Variants in LHX1 observed in about 807,000 individuals in gnomAD.
The protein encoded by LHX1 is LIM homeobox 1, also known as LIM/homeobox protein Lhx1.
LHX1 carries 9 observed loss-of-function variants against 34.1 expected under a neutral mutation model. The observed-to-expected ratio is 0.26, with a 90% CI of 0.16 to 0.46. LHX1 has a LOEUF of 0.46. Ranked by LOEUF, LHX1 falls within the 20% of genes least tolerant of loss-of-function variation. The pLI is 1.00. For synonymous variants in LHX1, 254 were observed against 241.5 expected (o/e 1.05, Z -0.48); for missense variants, 446 against 559.1 (o/e 0.80, Z 2.04).
At chr17:36,940,257 C>CGGGGGGGGGGGGGGGGGGGGGGGGG in intron 1 of LHX1, 33 bp from the exon 2 acceptor site, 1 of 515,266 alleles carries the variant, frequency 1.9e-6, no homozygotes, top group Non-Finnish European at 3.4e-6. Context: ...TGACCCATCC[C>CGGGGGGGGGGGGGGGGGGGGGGGGG]CGCCCCCGCC....
chr17:36,942,651 C>T (rs28502075), intron 4 of LHX1, 101 bp from the exon 5 acceptor site: 1,203,218 of 1,270,882 alleles, frequency 0.95, 569,777 homozygotes, highest in East Asian at 0.99. Context: ...GTTCCCCGCG[C>T]GGCCTTCCTC....
intron 1 of LHX1, 84 bp from the exon 2 acceptor site, chr17:36,940,206 G>A: frequency 3.8e-6 from 3 of 780,322 alleles, no homozygotes; most frequent in Non-Finnish European, 6.4e-6. Flanking sequence ...CCTCTTTCTC[G>A]CTGTCATCTT....
chr17:36,938,158 C>A lies in LHX1; in HGVS notation c.-40C>A. On this transcript the variant is annotated 5_prime_UTR_variant, in exon 1 of 5. Coordinates refer to ENST00000614239, the MANE Select transcript of LHX1 (RefSeq NM_005568.5). ...GTCATCCCCTGGGCTCTACTTTGCC[C>A]CTCTCTCTCTCTGGGCCTCATCAGA... is the stretch of plus-strand genomic sequence containing the variant. The A allele has an allele frequency of 6.3e-7, 1 of 1,590,080 alleles. No individual in the cohort carries two copies. The highest frequency in any genetic ancestry group is 8.6e-7 in the Non-Finnish European group (1 of 1,161,182).
At position 36,943,197 on chromosome 17, in the gene LHX1, G is replaced by GA. The variant is rs35033250; in HGVS notation, c.*77dup. On this transcript the variant is annotated 3_prime_UTR_variant, in exon 5 of 5. Transcript: ENST00000614239. ...AATGAACCTTTATTTAAGAAAAATAGAAAAAAAAAAACATAAAAAGCAAGT... is the reference window on the plus strand; with the variant it reads ...AATGAACCTTTATTTAAGAAAAATAGAAAAAAAAAAAACATAAAAAGCAAGT... 150,360 of 1,272,386 alleles carry GA rather than the reference G, an allele frequency of 0.12. 3,686 individuals carry two copies. Among genetic ancestry groups the GA allele is most frequent in the East Asian group, 0.3 (10,708 of 36,204 alleles). The allele number at this position is 1,272,386 out of a possible 1,614,324, so 78.8% of individuals were successfully genotyped here. A position where few individuals can be genotyped will look rare whatever the true frequency, so the allele number is the denominator to read the frequency against.
Position 36,937,676 on chromosome 17 carries a change from C to A in LHX1, c.-522C>A. ...GGGGGGAAATCCCAGTGGTGGGCAG[C>A]CTGGCACGCACACAGTCGCCCTCAT... On this transcript the variant is annotated 5_prime_UTR_variant, in exon 1 of 5. Coordinates refer to ENST00000614239, the MANE Select transcript of LHX1 (RefSeq NM_005568.5). 2.6e-6 allele frequency: 1 copy of A among 386,470 alleles called. No homozygotes were observed. The highest frequency in any genetic ancestry group is 1.8e-5 in the South Asian group (1 of 55,752). 23.9% of individuals were successfully genotyped at this position (386,470 alleles called of 1,614,324 possible). A position where few individuals can be genotyped will look rare whatever the true frequency, so the allele number is the denominator to read the frequency against.
Position 36,940,280 on chromosome 17 carries a change from C to T in LHX1, c.171-10C>T, listed in dbSNP as rs2070756018. 2.9e-6 allele frequency: 3 copies of T among 1,046,486 alleles called. No individual in the cohort carries two copies. Among genetic ancestry groups the T allele is most frequent in the Non-Finnish European group, 4.1e-6 (3 of 725,562 alleles). 64.8% of individuals were successfully genotyped at this position (1,046,486 alleles called of 1,614,324 possible). A position where few individuals can be genotyped will look rare whatever the true frequency, so the allele number is the denominator to read the frequency against. ...CCCCGCCCCCGCCCCCCACCCCCAC[C>T]CCCCCGCAGGTGTTTCGGTACCAAA... On this transcript the variant is annotated splice_polypyrimidine_tract_variant and intron_variant, in intron 1 of 4. Coordinates refer to ENST00000614239, the MANE Select transcript of LHX1 (RefSeq NM_005568.5).
chr17:36,938,660 A>G, intron 1 of LHX1: 1 of 537,278 alleles, frequency 1.9e-6, no homozygotes. Context: ...GAGACAGGGC[A>G]GCCTCGGGCG....
Position 36,940,617 on chromosome 17 carries a change from G to T in LHX1, c.405G>T (p.Thr135=). The T allele has an allele frequency of 3.7e-6, 6 of 1,613,760 alleles. No individual in the cohort carries two copies. Among genetic ancestry groups the T allele is most frequent in the South Asian group, 1.1e-5 (1 of 91,080 alleles). Residue 135 remains threonine (T), a synonymous_variant, in exon 3 of 5, where the codon ACG becomes ACT. Coordinates refer to ENST00000614239, the MANE Select transcript of LHX1 (RefSeq NM_005568.5). The part of the protein sequence containing the change: ...AKENSLHSAT[T]GSDPSLSPDS... The stretch of plus-strand genomic sequence containing the variant: ...CTGTCCTTTCCCTCTTAGCCACCAC[G>T]GGCAGTGACCCCAGTTTGTCTCCGG...
intron 1 of LHX1, chr17:36,938,899 C>T: frequency 4.1e-6 from 1 of 243,312 alleles, no homozygotes; most frequent in South Asian, 5.1e-5. Flanking sequence ...CGATCCTGCA[C>T]GCCCGGGGGT....
At position 36,943,103 on chromosome 17, in the gene LHX1, C is replaced by G. The variant is rs538710873; in HGVS notation, c.1193C>G (p.Pro398Arg). 30 of 1,612,232 alleles carry G rather than the reference C, an allele frequency of 1.9e-5. No individual in the cohort carries two copies. Among genetic ancestry groups the G allele is most frequent in the Non-Finnish European group, 2.3e-5 (27 of 1,179,788 alleles). Reference sequence around the variant, plus strand: ...TACGGAAACCACCTGTCCCACCCCCCCGAAATGAACGAGGCGGCCGTGTGG... The same window carrying G: ...TACGGAAACCACCTGTCCCACCCCCGCGAAATGAACGAGGCGGCCGTGTGG... ...ASYGNHLSHPPEMNEAAVW is the reference protein window; with the variant it reads ...ASYGNHLSHPREMNEAAVW Residue 398 changes from proline (P) to arginine (R), a missense_variant, in exon 5 of 5, where the codon CCC (proline) becomes CGC (arginine). Pro to Arg is a moderately radical substitution (Grantham distance 103). Transcript: ENST00000614239.
In LHX1 at chr17:36,940,684, A is replaced by G; in HGVS notation, c.472A>G (p.Ser158Gly). The G allele has an allele frequency of 1.2e-6, 2 of 1,613,758 alleles. No individual in the cohort carries two copies. Among genetic ancestry groups the G allele is most frequent in the Non-Finnish European group, 1.7e-6 (2 of 1,180,046 alleles). ...PSQDDAKDSE[S>G]ANVSDKEAGS... ...GCAGGACGACGCCAAGGACTCGGAG[A>G]GCGCCAACGTGTCGGACAAGGAAGC... The change falls in exon 3 of 5, where the codon AGC becomes GGC. Residue 158 changes from serine to glycine, a missense_variant. Physicochemically the swap from Ser to Gly is moderately conservative, Grantham distance 56. Around this residue, in one of 3 missense-constraint regions of LHX1, gnomAD observed 168 missense variants for 226.6 expected, o/e 0.74. Coordinates refer to ENST00000614239, the MANE Select transcript of LHX1 (RefSeq NM_005568.5).
Position 36,942,982 on chromosome 17 carries a change from G to A in LHX1, c.1072G>A (p.Glu358Lys), listed in dbSNP as rs780940543. The change falls in exon 5 of 5, where the codon GAG becomes AAG. Residue 358 changes from glutamate (E) to lysine (K), a missense_variant. This residue lies in a region of LHX1 where 235 missense variants were observed against 224.4 expected (regional missense o/e 1.05). Coordinates refer to ENST00000614239, the MANE Select transcript of LHX1 (RefSeq NM_005568.5). ...AHPPGDSPSP[E>K]PSLPGPLHSM... ...CCCACCCGGGGACTCGCCCAGCCCC[G>A]AGCCCAGCCTGCCCGGGCCTCTGCA... 7 of 1,611,034 alleles carry A rather than the reference G, an allele frequency of 4.3e-6. No homozygotes were observed. Among genetic ancestry groups the A allele is most frequent in the Admixed American group, 3.3e-5 (2 of 59,892 alleles).
intron 3 of LHX1, chr17:36,941,504 GTC>G (rs2070764879): frequency 3.3e-6 from 1 of 302,880 alleles, no homozygotes; most frequent in Admixed American, 4.7e-5. Context: ...GCCAGGGGGA[GTC>G]TCTGGCTCAG....
chr17:36,941,992 T>C (rs539832290), intron 3 of LHX1, among the ~76,000 whole-genome samples: 11 of 152,208 alleles, frequency 7.2e-5, no homozygotes, highest in Non-Finnish European at 1.6e-4. Context: ...CAGGTCCTCC[T>C]GTGGGATTCC....
intron 3 of LHX1, among the ~76,000 whole-genome samples, chr17:36,941,800 T>C (rs1337752229): frequency 2.6e-5 from 4 of 152,198 alleles, no homozygotes; most frequent in Non-Finnish European, 5.9e-5. Flanking sequence ...TCTGTCATGG[T>C]TGGGGGGAGG....
chr17:36,937,296 G>A (rs993415718), upstream of LHX1: 4 of 433,584 alleles, frequency 9.2e-6, no homozygotes, highest in Non-Finnish European at 1.8e-5. Flanking sequence ...CGCAGGGAGG[G>A]TCGCCCTGAG....
At chr17:36,942,688 C>T in intron 4 of LHX1, 64 bp from the exon 5 acceptor site, 4 of 1,423,466 alleles carry the variant, frequency 2.8e-6, no homozygotes, top group Non-Finnish European at 3.7e-6. Context: ...GTCTTCCCTC[C>T]CTTTCGGTCC....
intron 1 of LHX1, chr17:36,938,896 G>A: frequency 4.1e-6 from 1 of 246,866 alleles, no homozygotes; most frequent in Non-Finnish European, 8.1e-6. Flanking sequence ...AGCCGATCCT[G>A]CACGCCCGGG....
upstream of LHX1, chr17:36,936,972 A>C (rs2142176121): frequency 3.9e-6 from 1 of 254,638 alleles, no homozygotes; most frequent in Non-Finnish European, 7.8e-6. Context: ...CCGCTGCGCC[A>C]GGACATTTTT....
Sources: allele counts gnomAD v4.1 joint callset (sites outside exome capture counted in the v4.1 genomes callset), GRCh38; gene constraint gnomAD v4.1.1; regional missense constraint gnomAD v4.1.1; transcripts MANE v1.5; gene names NCBI Gene and HGNC (gene_info 2026-07-23, HGNC 2026-07-21).